HYDIN: variants seen among roughly 807,000 people sequenced by gnomAD.
HYDIN encodes the protein axonemal central pair apparatus protein HYDIN.
Under a neutral mutation model 403.9 loss-of-function variants are expected in HYDIN, and 132 were observed. The ratio of observed to expected loss-of-function variants is 0.33; its 90% CI spans 0.28 to 0.38. The LOEUF (loss-of-function observed/expected upper bound fraction) is 0.38, where lower values mean the gene tolerates loss of function less well. HYDIN is among the 10% of genes least tolerant of loss of function. The pLI, the probability that HYDIN is intolerant of heterozygous loss-of-function variation, is 1.00. For synonymous variants in HYDIN, 1,202 were observed against 1,891.7 expected (o/e 0.64, Z 9.46); for missense variants, 2,827 against 5,009.5 (o/e 0.56, Z 13.15).
At chr16:71,133,780 G>A (rs1363308328) in intron 8 of HYDIN, among the ~76,000 whole-genome samples, 5 of 151,534 alleles carry the variant, frequency 3.3e-5, no homozygotes, top group Middle Eastern at 3.2e-3. Context: ...ACAAGGTTGA[G>A]GAAGCAAGGA....
chr16:71,067,377 G>C lies in HYDIN; in HGVS notation c.1988C>G (p.Ser663Cys). 6.2e-7 allele frequency: 1 copy of C among 1,608,130 alleles called. No individual in the cohort carries two copies. The part of the protein sequence containing the change: ...GFAAIRVTLC[S>C]NTVQKYELAL... ...CAGCTCGTATTTCTGCACAGTGTTG[G>C]AGCATAATGTCACCTGGAAAGAAAA... is the stretch of plus-strand genomic sequence containing the variant. Residue 663 changes from serine to cysteine, a missense_variant, in exon 15 of 86, where the codon TCC (serine) becomes TGC (cysteine). Transcript: ENST00000393567.
In HYDIN at chr16:70,955,402, G is replaced by T; in HGVS notation, c.6289C>A (p.Gln2097Lys). 1 of 1,613,282 alleles carries T rather than the reference G, an allele frequency of 6.2e-7. No individual in the cohort carries two copies. Among genetic ancestry groups the T allele is most frequent in the Non-Finnish European group, 8.5e-7 (1 of 1,179,716 alleles). ...GCCTCCTCTCCTTCCTTCACGGACT[G>T]CTCTATGGCAGCCCTGATGCAGAGC... ...RELCIRAAIE[Q>K]SVKEGEEAAQ... Residue 2097 changes from glutamine (Q) to lysine (K), a missense_variant, in exon 40 of 86, where the codon CAG becomes AAG. Physicochemically the swap from Gln to Lys is moderately conservative, Grantham distance 53. Transcript: ENST00000393567.
intron 8 of HYDIN, chr16:71,133,094 G>A: frequency 5.2e-6 from 2 of 382,210 alleles, no homozygotes; most frequent in South Asian, 2.0e-5. Context: ...TGTGTCTCCA[G>A]TGCAGCAGGG....
intron 18 of HYDIN, among the ~76,000 whole-genome samples, chr16:71,042,826 G>A (rs1456692531): frequency 1.3e-5 from 2 of 152,052 alleles, no homozygotes; most frequent in African/African-American, 4.8e-5. Context: ...ACTCCCATCT[G>A]GACAGGCTGC....
At position 71,152,610 on chromosome 16, in the gene HYDIN, A is replaced by G. The variant is rs2085582003; in HGVS notation, c.841+49T>C. Reference sequence around the variant, plus strand: ...CCCACTTATGAGTGAGAACATTCTCATCTGACCTTTCTTAATATGTAGAAC... The same window carrying G: ...CCCACTTATGAGTGAGAACATTCTCGTCTGACCTTTCTTAATATGTAGAAC... On this transcript the variant is annotated intron_variant, in intron 7 of 85. Transcript: ENST00000393567. 3 of 644,340 alleles carry G rather than the reference A, an allele frequency of 4.7e-6. No individual in the cohort carries two copies. The East Asian group carries it at 8.3e-5, about 18-fold the overall frequency. The allele number at this position is 644,340 out of a possible 1,614,324, so 39.9% of individuals were successfully genotyped here. A position where few individuals can be genotyped will look rare whatever the true frequency, so the allele number is the denominator to read the frequency against.
chr16:71,173,502 C>T (rs2086547634), intron 5 of HYDIN, among the ~76,000 whole-genome samples: 1 of 152,136 alleles, frequency 6.6e-6, no homozygotes, highest in Non-Finnish European at 1.5e-5. Context: ...GCAGGATAAA[C>T]AGTAATAAAA....
At chr16:70,897,893 T>C (rs1437783331) in intron 53 of HYDIN, among the ~76,000 whole-genome samples, 2 of 151,674 alleles carry the variant, frequency 1.3e-5, no homozygotes, top group African/African-American at 4.8e-5. Flanking sequence ...ATGTGGCCGG[T>C]TGCAGTGGCT....
intron 41 of HYDIN, among the ~76,000 whole-genome samples, chr16:70,949,321 G>T (rs535633070): frequency 0.064 from 7,423 of 116,582 alleles, 526 homozygotes; most frequent in African/African-American, 0.21. Context: ...GGTGGGGGGA[G>T]GGGGGAGGGA....
chr16:71,072,490 C>T (rs1411704433), intron 13 of HYDIN, among the ~76,000 whole-genome samples: 1 of 152,146 alleles, frequency 6.6e-6, no homozygotes, highest in Non-Finnish European at 1.5e-5. Flanking sequence ...GGGAATGTTA[C>T]CTTACACTAC....
intron 45 of HYDIN, among the ~76,000 whole-genome samples, chr16:70,934,188 G>A (rs993720989): frequency 2.6e-5 from 4 of 152,034 alleles, no homozygotes; most frequent in East Asian, 1.9e-4. Flanking sequence ...CCTTGGATTC[G>A]AGGGAGTGGT....
At chr16:71,104,983 AC>A (rs1484806340) in intron 10 of HYDIN, among the ~76,000 whole-genome samples, 1 of 128,860 alleles carries the variant, frequency 7.8e-6, no homozygotes, top group Non-Finnish European at 1.6e-5. Flanking sequence ...ATTACTACAA[AC>A]ATGTGAGCTG....
chr16:71,129,499 C>G (rs1352610546), intron 9 of HYDIN, 141 bp downstream of exon 9: 2 of 657,250 alleles, frequency 3.0e-6, no homozygotes, highest in East Asian at 5.5e-5. Flanking sequence ...TAATGTCTCA[C>G]AGTGATGGTG....
intron 19 of HYDIN, among the ~76,000 whole-genome samples, chr16:71,029,094 C>T (rs1258682387): frequency 1.3e-5 from 2 of 152,100 alleles, no homozygotes; most frequent in East Asian, 1.9e-4. Context: ...GAAGCGGCAG[C>T]GTATGGCTAT....
In HYDIN at chr16:70,874,908, G is replaced by C. The variant is rs764138830; in HGVS notation, c.10569C>G (p.Asp3523Glu). Residue 3523 changes from aspartate (D) to glutamate (E), a missense_variant, in exon 63 of 86, where the codon GAC becomes GAG. Coordinates refer to ENST00000393567, the MANE Select transcript of HYDIN (RefSeq NM_001270974.2). ...NGVLPAQLHV[D>E]LQDELGVFSL... ...AGAAGACTCCTAGCTCATCCTGCAG[G>C]TCAACATGCAGCTGGCAGAAGGAAA... is the stretch of plus-strand genomic sequence containing the variant. 1.7e-5 allele frequency: 28 copies of C among 1,603,546 alleles called. No individual in the cohort carries two copies. In the South Asian group the frequency reaches 3.1e-4, roughly 18 times the overall value.
intron 5 of HYDIN, among the ~76,000 whole-genome samples, chr16:71,171,048 C>G (rs1426584898): frequency 6.6e-6 from 1 of 152,196 alleles, no homozygotes; most frequent in Non-Finnish European, 1.5e-5. Flanking sequence ...TGCATGGCTT[C>G]TAAGATCCTT....
At chr16:70,938,107 C>A (rs1167291144) in intron 44 of HYDIN, among the ~76,000 whole-genome samples, 1 of 152,260 alleles carries the variant, frequency 6.6e-6, no homozygotes, top group South Asian at 2.1e-4. Flanking sequence ...GGCAGCTAGA[C>A]CTCAGGGGAT....
intron 5 of HYDIN, among the ~76,000 whole-genome samples, chr16:71,171,300 C>A (rs1256638091): frequency 2.0e-5 from 3 of 152,226 alleles, no homozygotes; most frequent in Non-Finnish European, 4.4e-5. Flanking sequence ...CCTTGACTTT[C>A]CTATCAGAGA....
intron 3 of HYDIN, 121 bp downstream of exon 3, chr16:71,184,744 G>C (rs1476406451): frequency 2.6e-6 from 2 of 776,624 alleles, no homozygotes; most frequent in East Asian, 2.6e-5. Context: ...CAGAAAAGGA[G>C]GATTGAAAAC....
intron 21 of HYDIN, among the ~76,000 whole-genome samples, chr16:71,022,067 G>C (rs111791072): frequency 7.3e-5 from 11 of 151,700 alleles, no homozygotes; most frequent in African/African-American, 2.4e-4. Flanking sequence ...TTGCCTCTGC[G>C]GGTTGTATAC....
Sources: allele counts gnomAD v4.1 joint callset (sites outside exome capture counted in the v4.1 genomes callset), GRCh38; gene constraint gnomAD v4.1.1; transcripts MANE v1.5; gene names NCBI Gene and HGNC (gene_info 2026-07-23, HGNC 2026-07-21).